The following PIWIL4 variants were observed in gnomAD, a reference collection of about 807,000 sequenced individuals.
PIWIL4 encodes piwi-like protein 4.
Under a neutral mutation model 100.9 loss-of-function variants are expected in PIWIL4, and 50 were observed. The observed-to-expected ratio is 0.50, with a 90% CI of 0.39 to 0.63. PIWIL4 has a LOEUF of 0.63. PIWIL4 is among the 20% of genes least tolerant of loss of function. PIWIL4 has a pLI of 0.00. For synonymous variants in PIWIL4, 342 were observed against 367.5 expected, an observed-to-expected ratio of 0.93 and a Z score of 0.79; for missense variants, 887 against 1,043.3, an observed-to-expected ratio of 0.85 and a Z score of 2.06.
At chr11:94,590,311 T>G (rs1266381226) in intron 8 of PIWIL4, among the ~76,000 whole-genome samples, 1 of 152,098 alleles carries the variant, frequency 6.6e-6, no homozygotes, top group African/African-American at 2.4e-5. Context: ...CTGTGACCTC[T>G]CCCACCGGCT....
At chr11:94,593,296 T>A (rs781474072) in intron 8 of PIWIL4, among the ~76,000 whole-genome samples, 1 of 152,176 alleles carries the variant, frequency 6.6e-6, no homozygotes, top group Non-Finnish European at 1.5e-5. Context: ...AGGGAAACGA[T>A]ATTTTTAATG....
chr11:94,608,752 G>C, intron 15 of PIWIL4, 66 bp downstream of exon 15: 1 of 1,311,384 alleles, frequency 7.6e-7, no homozygotes, highest in Non-Finnish European at 1.1e-6. Context: ...TTTCACTAAA[G>C]AATGTAACAG....
chr11:94,588,459 G>T (rs545271500), intron 7 of PIWIL4, among the ~76,000 whole-genome samples: 1 of 152,302 alleles, frequency 6.6e-6, no homozygotes, highest in Non-Finnish European at 1.5e-5. Context: ...TTATCCTCCT[G>T]TCATGATCTT....
At chr11:94,609,410 G>A (rs1948763144) in intron 15 of PIWIL4, among the ~76,000 whole-genome samples, 1 of 152,106 alleles carries the variant, frequency 6.6e-6, no homozygotes, top group Non-Finnish European at 1.5e-5. Context: ...TATGTTTTGA[G>A]CCTATAGCAG....
At chr11:94,595,570 C>T (rs1948546470) in intron 10 of PIWIL4, 144 bp downstream of exon 10, 2 of 655,998 alleles carry the variant, frequency 3.0e-6, no homozygotes, top group Non-Finnish European at 5.1e-6. Context: ...GTCCACAGCC[C>T]TTCATCTGAG....
Position 94,589,215 on chromosome 11 carries a change from G to A in PIWIL4, c.1009G>A (p.Val337Met), listed in dbSNP as rs1948446414. Reference protein sequence around the residue: ...QKRDGTEITYVDYYKQQYDIT... With the variant: ...QKRDGTEITYMDYYKQQYDIT... Reference sequence around the variant, plus strand: ...GCGGGATGGCACCGAGATCACCTATGTGGATTACTACAAGCAGGTAGGACT... The same window carrying A: ...GCGGGATGGCACCGAGATCACCTATATGGATTACTACAAGCAGGTAGGACT... Residue 337 changes from valine (V) to methionine (M), a missense_variant, in exon 8 of 20, where the codon GTG becomes ATG. Coordinates refer to ENST00000299001, the MANE Select transcript of PIWIL4 (RefSeq NM_152431.3). 6.2e-7 allele frequency: 1 copy of A among 1,604,276 alleles called. No homozygotes were observed. The highest frequency in any genetic ancestry group is 8.5e-7 in the Non-Finnish European group (1 of 1,171,008).
intron 7 of PIWIL4, 97 bp from the exon 8 acceptor site, chr11:94,589,024 C>T: frequency 2.7e-6 from 2 of 743,574 alleles, no homozygotes; most frequent in Non-Finnish European, 2.2e-6. Flanking sequence ...TTCTGACATT[C>T]TGGAGTCTAT....
intron 8 of PIWIL4, among the ~76,000 whole-genome samples, chr11:94,593,099 C>T (rs1028794471): frequency 6.6e-6 from 1 of 152,108 alleles, no homozygotes; most frequent in Admixed American, 6.5e-5. Flanking sequence ...TAACTCGCCT[C>T]CAGCTTGTGT....
At chr11:94,590,662 A>C (rs767800640) in intron 8 of PIWIL4, among the ~76,000 whole-genome samples, 13 of 152,154 alleles carry the variant, frequency 8.5e-5, no homozygotes, top group Non-Finnish European at 1.8e-4. Context: ...TGTAGCTCAG[A>C]TAGGAATGAT....
At chr11:94,582,828 C>T (rs144123508) in intron 4 of PIWIL4, among the ~76,000 whole-genome samples, 3 of 152,202 alleles carry the variant, frequency 2.0e-5, no homozygotes, top group African/African-American at 4.8e-5. Context: ...TCTCTCTCCC[C>T]ATGTTTACTT....
chr11:94,618,029 A>T lies in PIWIL4; in HGVS notation c.2090A>T (p.Asp697Val), dbSNP rs1315530809. Reference protein sequence around the residue: ...RIIVYRAGVGDGQLKTLIEYE... With the variant: ...RIIVYRAGVGVGQLKTLIEYE... ...ATTGTGTACCGTGCTGGTGTAGGGG[A>T]TGGTCAGCTGAAAACACTTATTGAA... is the stretch of plus-strand genomic sequence containing the variant. The change falls in exon 17 of 20, where the codon GAT becomes GTT. Residue 697 changes from aspartate (D) to valine (V), a missense_variant. Asp to Val is a radical substitution (Grantham distance 152, BLOSUM62 -3). Transcript: ENST00000299001. 12 of 1,608,946 alleles carry T rather than the reference A, an allele frequency of 7.5e-6. No homozygotes were observed. Among genetic ancestry groups the T allele is most frequent in the Non-Finnish European group, 9.3e-6 (11 of 1,176,852 alleles).
At chr11:94,567,935 C>A in intron 1 of PIWIL4, 2 of 531,730 alleles carry the variant, frequency 3.8e-6, no homozygotes, top group Non-Finnish European at 4.9e-6. Flanking sequence ...CATAACATTA[C>A]ACGGCATATA....
At chr11:94,583,199 A>C (rs982293358) in intron 4 of PIWIL4, among the ~76,000 whole-genome samples, 5 of 152,044 alleles carry the variant, frequency 3.3e-5, no homozygotes, top group Non-Finnish European at 7.4e-5. Context: ...CAAACTTTGA[A>C]CCATGAGTCT....
chr11:94,570,734 T>C (rs755484210), intron 2 of PIWIL4, among the ~76,000 whole-genome samples: 30 of 151,916 alleles, frequency 2.0e-4, no homozygotes, highest in Non-Finnish European at 3.8e-4. Context: ...CTACTAAAAA[T>C]ACAAAAAATT....
chr11:94,584,558 A>G (rs1173165040), intron 5 of PIWIL4, among the ~76,000 whole-genome samples: 1 of 152,210 alleles, frequency 6.6e-6, no homozygotes, highest in Non-Finnish European at 1.5e-5. Context: ...TACCCTCACT[A>G]GAGCAACCCG....
At chr11:94,569,360 CTTTTG>C (rs1014405604) in intron 2 of PIWIL4, among the ~76,000 whole-genome samples, 26 of 136,290 alleles carry the variant, frequency 1.9e-4, no homozygotes, top group Non-Finnish European at 4.9e-5. Context: ...AGGCCATTAT[CTTTTG>C]TTTTTTTTTT....
chr11:94,604,671 T>C (rs1179116564), intron 13 of PIWIL4, among the ~76,000 whole-genome samples: 5 of 152,192 alleles, frequency 3.3e-5, no homozygotes, highest in East Asian at 1.9e-4. Context: ...CTTTCAACGA[T>C]TCCTATTTCC....
chr11:94,616,692 G>A (rs1415634999), intron 16 of PIWIL4, 129 bp downstream of exon 16: 1 of 655,812 alleles, frequency 1.5e-6, no homozygotes, highest in Non-Finnish European at 2.5e-6. Flanking sequence ...CTGTCACCCA[G>A]TTGAAGATCT....
Position 94,572,366 on chromosome 11 carries a change from G to A in PIWIL4, c.167-2633G>A, listed in dbSNP as rs1271387730. ...TTTTAGACATGAAGTCCTTGCCCAT[G>A]CCTATGTCCTGAATGGTATTGCCTG... On this transcript the variant is annotated intron_variant, in intron 2 of 19. Coordinates refer to ENST00000299001, the MANE Select transcript of PIWIL4 (RefSeq NM_152431.3). Among the ~76,000 whole-genome samples the A allele has an allele frequency of 1.3e-5, 2 of 152,176 alleles. 1 individual carries two copies. Among genetic ancestry groups the A allele is most frequent in the Non-Finnish European group, 2.9e-5 (2 of 68,030 alleles).
Sources: gnomAD v4.1 joint callset for allele counts (sites outside exome capture counted in the v4.1 genomes callset) on GRCh38, gnomAD v4.1.1 for gene constraint, MANE v1.5 for transcripts, NCBI Gene and HGNC (gene_info 2026-07-23, HGNC 2026-07-21) for gene names.